Variants in TMEM170B observed in about 807,000 individuals in gnomAD.
The protein encoded by TMEM170B is transmembrane protein 170B.
In TMEM170B, 6 loss-of-function variants were observed where a neutral mutation model predicts 13.0. The ratio of observed to expected loss-of-function variants is 0.46; its 90% CI spans 0.25 to 0.91. The LOEUF is 0.91. TMEM170B is among the 40% of genes least tolerant of loss of function. The pLI, the probability that TMEM170B is intolerant of heterozygous loss-of-function variation, is 0.17. For synonymous variants in TMEM170B, 61 were observed against 64.9 expected (o/e 0.94, Z 0.29); for missense variants, 138 against 165.2 (o/e 0.84, Z 0.90).
chr6:11,552,811 C>T (rs543604877), intron 1 of TMEM170B, among the ~76,000 whole-genome samples: 1 of 152,268 alleles, frequency 6.6e-6, no homozygotes, highest in Non-Finnish European at 1.5e-5. Flanking sequence ...AGTCTGTGCA[C>T]AGTCTCTATG....
intron 2 of TMEM170B, among the ~76,000 whole-genome samples, chr6:11,567,827 G>A (rs1759755749): frequency 6.6e-6 from 1 of 152,110 alleles, no homozygotes; most frequent in Non-Finnish European, 1.5e-5. Context: ...GATTCCAGAG[G>A]GCCTTGGAAA....
intron 1 of TMEM170B, among the ~76,000 whole-genome samples, chr6:11,548,819 A>G (rs1759476744): frequency 6.6e-6 from 1 of 152,060 alleles, no homozygotes; most frequent in African/African-American, 2.4e-5. Context: ...AAACTGTCGC[A>G]AGGACAGAAA....
chr6:11,548,336 C>T (rs553258639), intron 1 of TMEM170B, among the ~76,000 whole-genome samples: 2 of 152,272 alleles, frequency 1.3e-5, no homozygotes, highest in African/African-American at 2.4e-5. Flanking sequence ...TGCTCATCAT[C>T]GCTGGCCATC....
chr6:11,554,015 G>A (rs975917313), intron 1 of TMEM170B, among the ~76,000 whole-genome samples: 2 of 152,050 alleles, frequency 1.3e-5, no homozygotes, highest in Non-Finnish European at 2.9e-5. Flanking sequence ...TGATTACCGT[G>A]ACTTGACTTT....
At chr6:11,562,929 G>A (rs1034927005) in intron 1 of TMEM170B, among the ~76,000 whole-genome samples, 6 of 151,908 alleles carry the variant, frequency 3.9e-5, no homozygotes, top group South Asian at 2.1e-4. Flanking sequence ...TTTTTGTTTC[G>A]TTTTAAAATT....
intron 1 of TMEM170B, among the ~76,000 whole-genome samples, chr6:11,553,096 C>T (rs1759546506): frequency 1.3e-5 from 2 of 152,112 alleles, no homozygotes; most frequent in Non-Finnish European, 2.9e-5. Flanking sequence ...ATTTTGATCT[C>T]AAAGTATATA....
intron 2 of TMEM170B, among the ~76,000 whole-genome samples, chr6:11,574,911 G>T (rs1759853500): frequency 6.6e-6 from 1 of 152,098 alleles, no homozygotes; most frequent in South Asian, 2.1e-4. Context: ...ATGGTAGATT[G>T]TGAGATGGAT....
At chr6:11,571,816 A>AT (rs898115758) in intron 2 of TMEM170B, among the ~76,000 whole-genome samples, 34 of 152,272 alleles carry the variant, frequency 2.2e-4, no homozygotes, top group African/African-American at 7.2e-4. Context: ...TAGACTATAT[A>AT]TTTTTTAAAA....
intron 1 of TMEM170B, among the ~76,000 whole-genome samples, chr6:11,548,817 G>A (rs1412854959): frequency 6.6e-6 from 1 of 151,480 alleles, no homozygotes; most frequent in South Asian, 2.1e-4. Context: ...GCAAACTGTC[G>A]CAAGGACAGA....
intron 1 of TMEM170B, among the ~76,000 whole-genome samples, chr6:11,562,984 T>A (rs958839504): frequency 4.6e-5 from 7 of 152,332 alleles, no homozygotes; most frequent in Non-Finnish European, 8.8e-5. Flanking sequence ...CAAATTTATA[T>A]CATGCTTTTA....
intron 1 of TMEM170B, among the ~76,000 whole-genome samples, chr6:11,539,575 A>G (rs1039771110): frequency 6.6e-6 from 1 of 152,232 alleles, no homozygotes; most frequent in Non-Finnish European, 1.5e-5. Flanking sequence ...ATACAGTTAA[A>G]GTAGATTCTG....
intron 2 of TMEM170B, among the ~76,000 whole-genome samples, chr6:11,571,721 G>A (rs1759803585): frequency 6.6e-6 from 1 of 152,038 alleles, no homozygotes; most frequent in Non-Finnish European, 1.5e-5. Context: ...ACACCCTAAG[G>A]AGAGTGAAAA....
At chr6:11,569,836 G>A (rs1032353252) in intron 2 of TMEM170B, among the ~76,000 whole-genome samples, 19 of 151,994 alleles carry the variant, frequency 1.3e-4, no homozygotes, top group Non-Finnish European at 2.4e-4. Flanking sequence ...TCAAAGTACA[G>A]GGATCTGTCT....
At chr6:11,552,956 C>T (rs1047115718) in intron 1 of TMEM170B, among the ~76,000 whole-genome samples, 1 of 152,126 alleles carries the variant, frequency 6.6e-6, no homozygotes, top group Non-Finnish European at 1.5e-5. Flanking sequence ...CTGATAGCTC[C>T]TATTGTCAGG....
In TMEM170B at chr6:11,576,777, C is replaced by G. The variant is rs1490302788; in HGVS notation, c.*1216C>G. 2.6e-5 allele frequency: 4 copies of G among 151,888 alleles called. No individual in the cohort carries two copies. The highest frequency in any genetic ancestry group is 5.9e-5 in the Non-Finnish European group (4 of 67,936). 9.4% of individuals were successfully genotyped at this position (151,888 alleles called of 1,614,324 possible). The stretch of plus-strand genomic sequence containing the variant: ...CTCAGCATATCAATGCAGTACTGAG[C>G]GTGTATTAGAGTAATTCAGTTGTTC... On this transcript the variant is annotated 3_prime_UTR_variant, in exon 3 of 3. Transcript: ENST00000379426.
At chr6:11,550,604 G>C (rs571766855) in intron 1 of TMEM170B, among the ~76,000 whole-genome samples, 3 of 152,246 alleles carry the variant, frequency 2.0e-5, no homozygotes, top group East Asian at 3.9e-4. Context: ...TTTACTTTTA[G>C]TAGTTAACAT....
intron 1 of TMEM170B, among the ~76,000 whole-genome samples, chr6:11,557,717 A>C (rs957763409): frequency 6.6e-6 from 1 of 152,088 alleles, no homozygotes; most frequent in Non-Finnish European, 1.5e-5. Context: ...TGGAATTATC[A>C]TTTATCCAGT....
chr6:11,543,121 T>C (rs113653806), intron 1 of TMEM170B, among the ~76,000 whole-genome samples: 6 of 152,360 alleles, frequency 3.9e-5, no homozygotes, highest in African/African-American at 7.2e-5. Context: ...ATTTTTATTA[T>C]GTTTTTCAAT....
chr6:11,569,319 G>T (rs1759771414), intron 2 of TMEM170B, among the ~76,000 whole-genome samples: 1 of 152,054 alleles, frequency 6.6e-6, no homozygotes, highest in African/African-American at 2.4e-5. Flanking sequence ...AACTGAAAGG[G>T]TTTTTGTCTT....
Sources: gnomAD v4.1 joint callset for allele counts (sites outside exome capture counted in the v4.1 genomes callset) on GRCh38, gnomAD v4.1.1 for gene constraint, MANE v1.5 for transcripts, NCBI Gene and HGNC (gene_info 2026-07-23, HGNC 2026-07-21) for gene names.